The following ANKMY2 variants were observed in gnomAD, a reference collection of about 807,000 sequenced individuals.
ANKMY2 encodes the protein ankyrin repeat and MYND domain-containing protein 2.
In ANKMY2, 36 loss-of-function variants were observed where a neutral mutation model predicts 50.4. That is an observed-to-expected ratio of 0.71 (90% CI 0.55 to 0.94). The LOEUF (loss-of-function observed/expected upper bound fraction) is 0.94, where lower values mean the gene tolerates loss of function less well. Ranked by LOEUF, ANKMY2 falls within the 40% of genes least tolerant of loss-of-function variation. The probability of loss-of-function intolerance (pLI) is 0.00; values close to 1 mark genes in which losing one functional copy is unlikely to be tolerated. For missense variants in ANKMY2, 565 were observed against 524.0 expected (o/e 1.08, Z -0.76); for synonymous variants, 187 against 178.8 (o/e 1.05, Z -0.36).
At chr7:16,612,124 G>A (rs1022626540) in intron 5 of ANKMY2, among the ~76,000 whole-genome samples, 1 of 152,180 alleles carries the variant, frequency 6.6e-6, no homozygotes, top group African/African-American at 2.4e-5. Context: ...GCACAGAGCA[G>A]ACAGCCAGTC....
chr7:16,634,225 G>T (rs1781625493), intron 2 of ANKMY2, among the ~76,000 whole-genome samples: 1 of 152,110 alleles, frequency 6.6e-6, no homozygotes, highest in Non-Finnish European at 1.5e-5. Flanking sequence ...CCAAGATATA[G>T]TAACAGAAAC....
chr7:16,615,608 C>T, intron 5 of ANKMY2, 136 bp downstream of exon 5: 4 of 1,038,862 alleles, frequency 3.9e-6, no homozygotes, highest in Non-Finnish European at 5.6e-6. Context: ...AATAAATTAA[C>T]AGGCCAAAAG....
At position 16,645,489 on chromosome 7, in the gene ANKMY2, G is replaced by A; in HGVS notation, c.67+18C>T. The stretch of plus-strand genomic sequence containing the variant: ...CGGCCAGGCTGGCCGCGGCCGCGTC[G>A]CAGCCCAGCACCCGTACCTTTCCCG... On this transcript the variant is annotated intron_variant, in intron 1 of 9. Transcript: ENST00000306999. 2 of 1,596,678 alleles carry A rather than the reference G, an allele frequency of 1.3e-6. No individual in the cohort carries two copies. The highest frequency in any genetic ancestry group is 2.7e-5 in the African/African-American group (2 of 73,600).
intron 5 of ANKMY2, among the ~76,000 whole-genome samples, chr7:16,614,265 A>AT (rs1339143128): frequency 6.6e-6 from 1 of 152,182 alleles, no homozygotes; most frequent in Non-Finnish European, 1.5e-5. Context: ...GAAAATACAT[A>AT]TTTTTTAAAG....
At chr7:16,616,980 TG>T (rs1781364473) in intron 4 of ANKMY2, among the ~76,000 whole-genome samples, 2 of 152,114 alleles carry the variant, frequency 1.3e-5, no homozygotes, top group African/African-American at 4.8e-5. Flanking sequence ...AACCCAGGAG[TG>T]GCAGGCTTCA....
chr7:16,644,446 A>T (rs553614031), intron 1 of ANKMY2, among the ~76,000 whole-genome samples: 4 of 152,198 alleles, frequency 2.6e-5, no homozygotes, highest in African/African-American at 7.2e-5. Context: ...CCTTGTCGCT[A>T]TGAAGAATAA....
chr7:16,620,476 A>C (rs1025377323), intron 4 of ANKMY2, among the ~76,000 whole-genome samples: 4 of 152,172 alleles, frequency 2.6e-5, no homozygotes, highest in Non-Finnish European at 4.4e-5. Context: ...AAATAAATGA[A>C]GTATAAGGAT....
At position 16,645,707 on chromosome 7, in the gene ANKMY2, T is replaced by C. The variant is rs893270257; in HGVS notation, c.-134A>G. On this transcript the variant is annotated 5_prime_UTR_variant, in exon 1 of 10. Coordinates refer to ENST00000306999, the MANE Select transcript of ANKMY2 (RefSeq NM_020319.3). Reference sequence around the variant, plus strand: ...ACTGAGTAGCCAACCGCGGAAACGCTTCGCTTCTCTCCTCCCTCCCGCGGG... The same window carrying C: ...ACTGAGTAGCCAACCGCGGAAACGCCTCGCTTCTCTCCTCCCTCCCGCGGG... 6 of 966,714 alleles carry C rather than the reference T, an allele frequency of 6.2e-6. No individual in the cohort carries two copies. Among genetic ancestry groups the C allele is most frequent in the Admixed American group, 3.1e-5 (1 of 32,146 alleles). The allele number at this position is 966,714 out of a possible 1,614,324, so 59.9% of individuals were successfully genotyped here.
At chr7:16,608,731 G>A (rs1163020451) in intron 7 of ANKMY2, among the ~76,000 whole-genome samples, 4 of 152,236 alleles carry the variant, frequency 2.6e-5, no homozygotes, top group South Asian at 2.1e-4. Context: ...GCTGGGCGCA[G>A]TGGGTCATGC....
intron 9 of ANKMY2, among the ~76,000 whole-genome samples, chr7:16,601,978 T>G (rs1781074399): frequency 6.6e-6 from 1 of 152,344 alleles, no homozygotes. Flanking sequence ...GAAATTTAAT[T>G]AAGGAATTTA....
intron 4 of ANKMY2, among the ~76,000 whole-genome samples, chr7:16,621,553 C>A (rs1038873732): frequency 1.3e-5 from 2 of 151,760 alleles, no homozygotes; most frequent in African/African-American, 2.4e-5. Flanking sequence ...TCTAGATGTA[C>A]CAAAAAAATC....
intron 8 of ANKMY2, among the ~76,000 whole-genome samples, chr7:16,604,415 G>A (rs1240187706): frequency 1.3e-5 from 2 of 151,032 alleles, no homozygotes; most frequent in Admixed American, 6.8e-5. Context: ...CCTTGGTCTC[G>A]TGCCCCACGG....
At chr7:16,641,447 G>T (rs1781743947) in intron 1 of ANKMY2, among the ~76,000 whole-genome samples, 1 of 152,168 alleles carries the variant, frequency 6.6e-6, no homozygotes, top group African/African-American at 2.4e-5. Flanking sequence ...AGACAATGAA[G>T]CCCATATAGG....
At chr7:16,629,864 A>C (rs1049851154) in intron 2 of ANKMY2, among the ~76,000 whole-genome samples, 1 of 152,150 alleles carries the variant, frequency 6.6e-6, no homozygotes, top group African/African-American at 2.4e-5. Context: ...GATTTATAAA[A>C]ACTTTCCCAT....
intron 2 of ANKMY2, among the ~76,000 whole-genome samples, chr7:16,630,423 T>C (rs1781566584): frequency 6.6e-6 from 1 of 152,228 alleles, no homozygotes; most frequent in African/African-American, 2.4e-5. Context: ...GGTAGTCTGC[T>C]TAACTGAATA....
At chr7:16,629,400 G>A (rs1256817216) in intron 2 of ANKMY2, among the ~76,000 whole-genome samples, 2 of 152,302 alleles carry the variant, frequency 1.3e-5, no homozygotes, top group East Asian at 3.9e-4. Flanking sequence ...GCTGGGCTTG[G>A]TGGTGGGTGC....
chr7:16,614,082 T>A (rs1020792731), intron 5 of ANKMY2, among the ~76,000 whole-genome samples: 1 of 152,104 alleles, frequency 6.6e-6, no homozygotes, highest in Non-Finnish European at 1.5e-5. Flanking sequence ...ACAAGAGTCT[T>A]ACAGAACCAC....
chr7:16,602,226 A>C (rs1198479980), intron 9 of ANKMY2, among the ~76,000 whole-genome samples, 154 bp downstream of exon 9: 1 of 152,188 alleles, frequency 6.6e-6, no homozygotes, highest in Non-Finnish European at 1.5e-5. Context: ...AAGAACTTAA[A>C]AACGGGACAC....
In ANKMY2 at chr7:16,638,188, T is replaced by C. The variant is rs1781693711; in HGVS notation, c.68-1733A>G. 3.3e-5 allele frequency among the ~76,000 whole-genome samples: 5 copies of C among 152,352 alleles called. No individual in the cohort carries two copies. The South Asian group carries it at 8.3e-4, about 25-fold the overall frequency. Reference sequence around the variant, plus strand: ...CATTGGACACCAATGGGGTATCCTATAATTTAACTCATTTCTAACATTGTT... The same window carrying C: ...CATTGGACACCAATGGGGTATCCTACAATTTAACTCATTTCTAACATTGTT... On this transcript the variant is annotated intron_variant, in intron 1 of 9. Coordinates refer to ENST00000306999, the MANE Select transcript of ANKMY2 (RefSeq NM_020319.3).
Sources: gnomAD v4.1 joint callset for allele counts (sites outside exome capture counted in the v4.1 genomes callset) on GRCh38, gnomAD v4.1.1 for gene constraint, MANE v1.5 for transcripts, NCBI Gene and HGNC (gene_info 2026-07-23, HGNC 2026-07-21) for gene names.